RIT2: variants seen among roughly 807,000 people sequenced by gnomAD.
RIT2 encodes GTP-binding protein Rit2.
A neutral mutation model predicts 23.7 loss-of-function variants in RIT2; 24 were observed. The ratio of observed to expected loss-of-function variants is 1.01; its 90% CI spans 0.73 to 1.43. The LOEUF is 1.43. RIT2 is among the 40% of genes most tolerant of loss of function. The probability of loss-of-function intolerance (pLI) is 0.00; values close to 1 mark genes in which losing one functional copy is unlikely to be tolerated. For synonymous variants in RIT2, 107 were observed against 91.1 expected, an observed-to-expected ratio of 1.17 and a Z score of -0.99; for missense variants, 236 against 266.9, an observed-to-expected ratio of 0.88 and a Z score of 0.81.
At chr18:42,940,941 G>A (rs992409858) in intron 3 of RIT2, among the ~76,000 whole-genome samples, 2 of 152,100 alleles carry the variant, frequency 1.3e-5, no homozygotes, top group Non-Finnish European at 2.9e-5. Context: ...AAATGCAACT[G>A]CTCTGATAGT....
At chr18:42,780,412 C>T (rs963253534) in intron 4 of RIT2, among the ~76,000 whole-genome samples, 4 of 151,908 alleles carry the variant, frequency 2.6e-5, no homozygotes, top group South Asian at 2.1e-4. Context: ...TAGATGGCAC[C>T]TCCAAGTAGC....
At chr18:42,839,233 T>G (rs1906698908) in intron 4 of RIT2, among the ~76,000 whole-genome samples, 1 of 151,976 alleles carries the variant, frequency 6.6e-6, no homozygotes, top group Admixed American at 6.6e-5. Flanking sequence ...ATACCCCTAA[T>G]GCATAACTAT....
At chr18:42,954,839 ACAT>A (rs1366430343) in intron 3 of RIT2, among the ~76,000 whole-genome samples, 1 of 152,102 alleles carries the variant, frequency 6.6e-6, no homozygotes, top group Admixed American at 6.6e-5. Flanking sequence ...ATGTCACTTT[ACAT>A]TTACCACCTC....
chr18:42,955,964 T>G (rs1909961777), intron 3 of RIT2, among the ~76,000 whole-genome samples: 1 of 152,172 alleles, frequency 6.6e-6, no homozygotes, highest in Non-Finnish European at 1.5e-5. Context: ...TAGGCAGTCT[T>G]TTGCATCTGT....
intron 3 of RIT2, among the ~76,000 whole-genome samples, chr18:42,948,257 G>A (rs1192990166): frequency 6.6e-6 from 1 of 152,106 alleles, no homozygotes; most frequent in African/African-American, 2.4e-5. Context: ...GTCCTGACAT[G>A]TTGTTCAAAT....
At chr18:42,899,479 A>G (rs1908419121) in intron 4 of RIT2, among the ~76,000 whole-genome samples, 1 of 151,780 alleles carries the variant, frequency 6.6e-6, no homozygotes, top group African/African-American at 2.4e-5. Flanking sequence ...TTTGTCCATT[A>G]ACTCACTGTA....
At chr18:42,927,655 T>G (rs1180101733) in intron 3 of RIT2, among the ~76,000 whole-genome samples, 4 of 151,976 alleles carry the variant, frequency 2.6e-5, no homozygotes, top group Non-Finnish European at 5.9e-5. Context: ...GTTGGTTAAT[T>G]ATTCAGGAAC....
At chr18:42,890,164 T>C (rs528207492) in intron 4 of RIT2, among the ~76,000 whole-genome samples, 1 of 151,886 alleles carries the variant, frequency 6.6e-6, no homozygotes, top group South Asian at 2.1e-4. Context: ...AAAATGAGAG[T>C]TTCAGGATAC....
intron 1 of RIT2, among the ~76,000 whole-genome samples, chr18:43,071,465 A>G (rs1912895111): frequency 6.6e-6 from 1 of 152,172 alleles, no homozygotes; most frequent in Non-Finnish European, 1.5e-5. Context: ...TTTCAAAATG[A>G]GTCTCTGATT....
intron 1 of RIT2, among the ~76,000 whole-genome samples, chr18:43,070,969 T>C (rs1912883674): frequency 6.6e-6 from 1 of 152,346 alleles, no homozygotes; most frequent in South Asian, 2.1e-4. Context: ...CTTGTTGCAC[T>C]TGTATAAAAT....
Position 42,948,775 on chromosome 18 carries a change from C to A in RIT2, c.235-25012G>T, listed in dbSNP as rs567676078. On this transcript the variant is annotated intron_variant, in intron 3 of 4. Coordinates refer to ENST00000326695, the MANE Select transcript of RIT2 (RefSeq NM_002930.4). The stretch of plus-strand genomic sequence containing the variant: ...GCACTGCTCCCTCAGCTGGAGCAAA[C>A]CAAAAGCATGCAAAACGCTGTGATG... Among the ~76,000 whole-genome samples, 5 of 152,146 alleles carry A rather than the reference C, an allele frequency of 3.3e-5. No homozygotes were observed. The East Asian group carries it at 9.7e-4, about 29-fold the overall frequency.
chr18:42,960,661 T>C (rs1910075446), intron 3 of RIT2, among the ~76,000 whole-genome samples: 1 of 152,138 alleles, frequency 6.6e-6, no homozygotes, highest in Admixed American at 6.5e-5. Context: ...GAGTCCAAGC[T>C]GAAGGTTGAA....
intron 4 of RIT2, among the ~76,000 whole-genome samples, chr18:42,914,592 T>C (rs925510249): frequency 1.3e-5 from 2 of 151,998 alleles, no homozygotes; most frequent in Non-Finnish European, 2.9e-5. Context: ...ATTATATAGA[T>C]GAAAAATGAG....
At chr18:43,014,085 C>T (rs1178137138) in intron 2 of RIT2, among the ~76,000 whole-genome samples, 2 of 151,796 alleles carry the variant, frequency 1.3e-5, no homozygotes, top group Non-Finnish European at 2.9e-5. Context: ...GACATAGTCA[C>T]TCACAATCCA....
chr18:42,937,333 G>A (rs949110103), intron 3 of RIT2, among the ~76,000 whole-genome samples: 7 of 152,014 alleles, frequency 4.6e-5, no homozygotes, highest in African/African-American at 1.7e-4. Flanking sequence ...GAATAATTTG[G>A]CCAACAATTT....
chr18:42,774,810 A>G (rs536824140), intron 4 of RIT2, among the ~76,000 whole-genome samples: 4 of 152,278 alleles, frequency 2.6e-5, no homozygotes, highest in African/African-American at 7.2e-5. Flanking sequence ...AGCTTATACT[A>G]GATTCTGAAA....
At chr18:42,905,473 T>G (rs1043748324) in intron 4 of RIT2, among the ~76,000 whole-genome samples, 3 of 152,076 alleles carry the variant, frequency 2.0e-5, no homozygotes, top group Admixed American at 6.5e-5. Context: ...AACATGGTTG[T>G]TTGTTTGTTT....
chr18:43,055,763 C>G (rs889109296), intron 1 of RIT2, among the ~76,000 whole-genome samples: 1 of 151,900 alleles, frequency 6.6e-6, no homozygotes, highest in Non-Finnish European at 1.5e-5. Flanking sequence ...ATGAGGTTTT[C>G]GGACATGTTG....
chr18:42,882,002 C>A (rs982876116), intron 4 of RIT2, among the ~76,000 whole-genome samples: 1 of 152,204 alleles, frequency 6.6e-6, no homozygotes, highest in Non-Finnish European at 1.5e-5. Context: ...CTTATTCTTG[C>A]TTTTCTACAG....
Sources: gnomAD v4.1 joint callset for allele counts (sites outside exome capture counted in the v4.1 genomes callset) on GRCh38, gnomAD v4.1.1 for gene constraint, MANE v1.5 for transcripts, NCBI Gene and HGNC (gene_info 2026-07-23, HGNC 2026-07-21) for gene names.